Variants in MSI1 observed in about 807,000 individuals in gnomAD.
MSI1 encodes the protein musashi RNA binding protein 1, also known as RNA-binding protein Musashi homolog 1.
Under a neutral mutation model 54.4 loss-of-function variants are expected in MSI1, and 15 were observed. That is an observed-to-expected ratio of 0.28 (90% CI 0.18 to 0.42). The LOEUF (loss-of-function observed/expected upper bound fraction) is 0.42, where lower values mean the gene tolerates loss of function less well. Among genes scored for constraint, MSI1 ranks in the 20% least tolerant of loss-of-function variants. The pLI, the probability that MSI1 is intolerant of heterozygous loss-of-function variation, is 1.00. For synonymous variants in MSI1, 200 were observed against 196.5 expected, an observed-to-expected ratio of 1.02 and a Z score of -0.15; for missense variants, 304 against 506.0, an observed-to-expected ratio of 0.60 and a Z score of 3.83.
rs2136876496 is a variant in MSI1, at chr12:120,342,785, G to C, written c.*342C>G. On this transcript the variant is annotated 3_prime_UTR_variant, in exon 15 of 15. Transcript: ENST00000257552. ...TATGCACAAATCCAAAAGCCTTTTG[G>C]GGAGGGGGCGGTCCTAGGGGGGCGC... The C allele has an allele frequency of 1.3e-5, 2 of 151,778 alleles. No homozygotes were observed. Among genetic ancestry groups the C allele is most frequent in the Middle Eastern group, 3.4e-3 (1 of 296 alleles). The allele number at this position is 151,778 out of a possible 1,614,324, so 9.4% of individuals were successfully genotyped here. A position where few individuals can be genotyped will look rare whatever the true frequency, so the allele number is the denominator to read the frequency against.
intron 4 of MSI1, among the ~76,000 whole-genome samples, chr12:120,366,727 C>CTGGG (rs1876042044): frequency 6.6e-6 from 1 of 152,156 alleles, no homozygotes; most frequent in Non-Finnish European, 1.5e-5. Flanking sequence ...TGGAGGACGC[C>CTGGG]AAACACAGAC....
At chr12:120,366,241 G>C (rs1876010491) in intron 4 of MSI1, among the ~76,000 whole-genome samples, 1 of 152,144 alleles carries the variant, frequency 6.6e-6, no homozygotes, top group African/African-American at 2.4e-5. Context: ...CCTCGTTCTA[G>C]GCAGCTGGCT....
intron 13 of MSI1, 126 bp from the exon 14 acceptor site, chr12:120,345,758 T>G (rs1076206): frequency 1.7e-5 from 19 of 1,146,122 alleles, no homozygotes; most frequent in African/African-American, 9.2e-5. Context: ...ATCGCCCCCC[T>G]ACTGCAGGTC....
At chr12:120,346,040 G>GC in intron 13 of MSI1, 95 bp downstream of exon 13, 4 of 1,124,792 alleles carry the variant, frequency 3.6e-6, no homozygotes, top group Non-Finnish European at 3.6e-6. Context: ...CCCTCCTTTT[G>GC]CCCCCAGAGA....
At chr12:120,344,455 C>T (rs1873943788) in intron 14 of MSI1, among the ~76,000 whole-genome samples, 1 of 152,154 alleles carries the variant, frequency 6.6e-6, no homozygotes, top group Admixed American at 6.5e-5. Context: ...GAAATCCCAG[C>T]ACTTTGGGAG....
chr12:120,357,653 G>A (rs1875252586), intron 8 of MSI1, among the ~76,000 whole-genome samples, 163 bp downstream of exon 8: 1 of 152,038 alleles, frequency 6.6e-6, no homozygotes, highest in African/African-American at 2.4e-5. Context: ...TTACAGGCAC[G>A]CACCACCATG....
intron 4 of MSI1, 41 bp downstream of exon 4, chr12:120,367,967 C>T: frequency 6.4e-7 from 1 of 1,572,376 alleles, no homozygotes; most frequent in Non-Finnish European, 8.7e-7. Context: ...CCGGCAGCCT[C>T]CCTCTCCCAA....
In MSI1 at chr12:120,369,044, C is replaced by G; in HGVS notation, c.48G>C (p.Pro16=). 9.7e-7 allele frequency: 1 copy of G among 1,035,584 alleles called. No individual in the cohort carries two copies. The allele number at this position is 1,035,584 out of a possible 1,614,324, so 64.1% of individuals were successfully genotyped here. The change falls in exon 1 of 15, where the codon CCG becomes CCC. Residue 16 remains proline, a synonymous_variant. Coordinates refer to ENST00000257552, the MANE Select transcript of MSI1 (RefSeq NM_002442.4). ...PQPGLASPDS[P]HDPCKMFIGG... Reference sequence around the variant, plus strand: ...GGGCCGGGCCGTACCAGGGGTCGTGCGGCGAGTCCGGGGAGGCGAGGCCGG... The same window carrying G: ...GGGCCGGGCCGTACCAGGGGTCGTGGGGCGAGTCCGGGGAGGCGAGGCCGG...
At chr12:120,367,931 C>T in intron 4 of MSI1, 77 bp downstream of exon 4, 3 of 1,434,508 alleles carry the variant, frequency 2.1e-6, no homozygotes, top group Non-Finnish European at 2.9e-6. Flanking sequence ...CCAGCTGTCC[C>T]CTGGGGAGAG....
At chr12:120,362,943 T>C in intron 6 of MSI1, 100 bp downstream of exon 6, 1 of 1,042,788 alleles carries the variant, frequency 9.6e-7, no homozygotes, top group Non-Finnish European at 1.5e-6. Context: ...ACTCTCATCT[T>C]TTGCAGGAAT....
Position 120,341,633 on chromosome 12 carries a change from C to A in MSI1, c.*1494G>T, listed in dbSNP as rs1431833141. 1.3e-5 allele frequency: 2 copies of A among 151,608 alleles called. No individual in the cohort carries two copies. The highest frequency in any genetic ancestry group is 2.9e-5 in the Non-Finnish European group (2 of 67,842). 9.4% of individuals were successfully genotyped at this position (151,608 alleles called of 1,614,324 possible). A position where few individuals can be genotyped will look rare whatever the true frequency, so the allele number is the denominator to read the frequency against. ...AATAAAAACCAATAAAATGCAGCTTCTCTTTTATTAGGAAACATTAAAAAA... is the reference window on the plus strand; with the variant it reads ...AATAAAAACCAATAAAATGCAGCTTATCTTTTATTAGGAAACATTAAAAAA... On this transcript the variant is annotated 3_prime_UTR_variant, in exon 15 of 15. Transcript: ENST00000257552.
chr12:120,358,975 G>C, intron 7 of MSI1, 30 bp downstream of exon 7: 1 of 1,562,938 alleles, frequency 6.4e-7, no homozygotes. Flanking sequence ...ACGGGGCCCA[G>C]CCTGGGAAGG....
chr12:120,368,950 CG>C lies in MSI1; in HGVS notation c.60-78del. 4 of 1,222,316 alleles carry C rather than the reference CG, an allele frequency of 3.3e-6. No homozygotes were observed. Among genetic ancestry groups the C allele is most frequent in the Non-Finnish European group, 4.1e-6 (4 of 970,940 alleles). The allele number at this position is 1,222,316 out of a possible 1,614,324, so 75.7% of individuals were successfully genotyped here. ...GCGCAGGGGGCGCGGGCCCGGGCTCCGGGGAGGCCCGGCCGGACCCGGATCG... is the reference window on the plus strand; with the variant it reads ...GCGCAGGGGGCGCGGGCCCGGGCTCCGGGAGGCCCGGCCGGACCCGGATCG... On this transcript the variant is annotated intron_variant, in intron 1 of 14. Transcript: ENST00000257552. The surrounding 1 kb of genome is among the most constrained non-coding windows in gnomAD (Gnocchi z 6.6).
chr12:120,368,936 G>T lies in MSI1; in HGVS notation c.60-63C>A. 7.8e-7 allele frequency: 1 copy of T among 1,275,632 alleles called. No homozygotes were observed. The highest frequency in any genetic ancestry group is 2.6e-4 in the Middle Eastern group (1 of 3,896). 79.0% of individuals were successfully genotyped at this position (1,275,632 alleles called of 1,614,324 possible). On this transcript the variant is annotated intron_variant, in intron 1 of 14. Coordinates refer to ENST00000257552, the MANE Select transcript of MSI1 (RefSeq NM_002442.4). This position sits in a 1 kb window ranked among gnomAD's most constrained non-coding sequence, Gnocchi z 6.6. The stretch of plus-strand genomic sequence containing the variant: ...CGCCGGGCGCCAGGGCGCAGGGGGC[G>T]CGGGCCCGGGCTCCGGGGAGGCCCG...
chr12:120,352,097 A>G (rs1243458919), intron 10 of MSI1, among the ~76,000 whole-genome samples: 4 of 149,024 alleles, frequency 2.7e-5, no homozygotes, highest in East Asian at 2.0e-4. Context: ...AGCTCACTAC[A>G]CACTCGACCT....
At position 120,355,030 on chromosome 12, in the gene MSI1, CAAA is replaced by C. The variant is rs71076610; in HGVS notation, c.653-1654_653-1652del. ...CAACATAGTGAGACCCCGTCTCTAC[CAAA>C]AAAAAAAAAAAAAAAAAAAAAAAGA... On this transcript the variant is annotated intron_variant, in intron 9 of 14. Coordinates refer to ENST00000257552, the MANE Select transcript of MSI1 (RefSeq NM_002442.4). Among the ~76,000 whole-genome samples the C allele has an allele frequency of 3.9e-3, 172 of 44,064 alleles. 1 individual carries two copies. Among genetic ancestry groups the C allele is most frequent in the African/African-American group, 0.017 (169 of 9,748 alleles). 28.9% of individuals were successfully genotyped at this position (44,064 alleles called of 152,430 possible).
chr12:120,361,772 C>T (rs1330327807), intron 6 of MSI1, among the ~76,000 whole-genome samples: 1 of 151,718 alleles, frequency 6.6e-6, no homozygotes, highest in Non-Finnish European at 1.5e-5. Flanking sequence ...CTGTCCCCCT[C>T]GCTCCCTGGC....
chr12:120,345,991 A>G (rs2136896750), intron 13 of MSI1, 144 bp downstream of exon 13: 2 of 776,762 alleles, frequency 2.6e-6, no homozygotes, highest in Non-Finnish European at 2.0e-6. Flanking sequence ...AACCCCCACA[A>G]CTCTTCCTTA....
intron 10 of MSI1, 36 bp from the exon 11 acceptor site, chr12:120,351,436 G>A (rs201153916): frequency 1.2e-6 from 2 of 1,604,868 alleles, no homozygotes; most frequent in African/African-American, 2.7e-5. Flanking sequence ...GGAAGAAGCA[G>A]GGGAGGCCCC....
Sources: gnomAD v4.1 joint callset for allele counts (sites outside exome capture counted in the v4.1 genomes callset) on GRCh38, gnomAD v4.1.1 for gene constraint, Gnocchi (gnomAD v3.1) non-coding constraint, MANE v1.5 for transcripts, NCBI Gene and HGNC (gene_info 2026-07-23, HGNC 2026-07-21) for gene names.